Variants in SENP1 observed in about 807,000 individuals in gnomAD.
SENP1 encodes SUMO specific peptidase 1, also known as sentrin-specific protease 1.
Under a neutral mutation model 93.0 loss-of-function variants are expected in SENP1, and 21 were observed. The ratio of observed to expected loss-of-function variants is 0.23; its 90% CI spans 0.16 to 0.33. The LOEUF (loss-of-function observed/expected upper bound fraction) is 0.33, where lower values mean the gene tolerates loss of function less well. SENP1 is among the 10% of genes least tolerant of loss of function. The probability of loss-of-function intolerance (pLI) is 1.00; values close to 1 mark genes in which losing one functional copy is unlikely to be tolerated. For missense variants in SENP1, 591 were observed against 758.7 expected, an observed-to-expected ratio of 0.78 and a Z score of 2.60; for synonymous variants, 256 against 259.6, an observed-to-expected ratio of 0.99 and a Z score of 0.13.
At chr12:48,079,565 A>T (rs1408731938) in intron 6 of SENP1, among the ~76,000 whole-genome samples, 1 of 152,186 alleles carries the variant, frequency 6.6e-6, no homozygotes, top group East Asian at 1.9e-4. Flanking sequence ...TGATAAAGTT[A>T]AAGAAGCTAG....
chr12:48,075,047 AG>A (rs1173098987), intron 6 of SENP1, among the ~76,000 whole-genome samples: 1 of 150,440 alleles, frequency 6.6e-6, no homozygotes, highest in Admixed American at 6.6e-5. Flanking sequence ...ACTCTACAAA[AG>A]AAAACTTAAA....
At chr12:48,047,095 T>C in intron 15 of SENP1, 33 bp from the exon 16 acceptor site, 1 of 1,387,902 alleles carries the variant, frequency 7.2e-7, no homozygotes. Context: ...AGATAAGCAG[T>C]GGGGAACATC....
At chr12:48,064,078 C>T (rs1169950683) in intron 12 of SENP1, among the ~76,000 whole-genome samples, 2 of 152,122 alleles carry the variant, frequency 1.3e-5, no homozygotes, top group African/African-American at 4.8e-5. Flanking sequence ...CATTCAGATC[C>T]TTGTTTCCAT....
chr12:48,063,649 G>A, intron 13 of SENP1, 61 bp downstream of exon 13: 1 of 1,534,120 alleles, frequency 6.5e-7, no homozygotes, highest in Non-Finnish European at 8.9e-7. Context: ...GTGAGATAAT[G>A]CCTTAATTTA....
At chr12:48,075,616 C>T (rs1944013532) in intron 6 of SENP1, among the ~76,000 whole-genome samples, 1 of 152,190 alleles carries the variant, frequency 6.6e-6, no homozygotes, top group Non-Finnish European at 1.5e-5. Flanking sequence ...CCCAATACTA[C>T]ATTTAGTGAA....
In SENP1 at chr12:48,086,780, A is replaced by G. The variant is rs191334971; in HGVS notation, c.380+2021T>C. On this transcript the variant is annotated intron_variant, in intron 5 of 17. Transcript: ENST00000549518. Reference sequence around the variant, plus strand: ...AGGCTGGGCATGGTGGCTCATGCCTATAATCCCAGGAAGGGATCGGGAGGC... The same window carrying G: ...AGGCTGGGCATGGTGGCTCATGCCTGTAATCCCAGGAAGGGATCGGGAGGC... Among the ~76,000 whole-genome samples the G allele has an allele frequency of 1.3e-4, 20 of 152,268 alleles. No individual in the cohort carries two copies. The East Asian group carries it at 2.3e-3, about 18-fold the overall frequency.
At position 48,101,504 on chromosome 12, in the gene SENP1, A is replaced by T; in HGVS notation, c.-32T>A. ...TCTTTTCACATCACTGACTTTAGCA[A>T]AGATACAAAGTCCTATAAAAGAAGA... On this transcript the variant is annotated 5_prime_UTR_variant, in exon 2 of 18. It adds an upstream start codon to the 5' untranslated region. Transcript: ENST00000549518. 6.3e-7 allele frequency: 1 copy of T among 1,581,028 alleles called. No individual in the cohort carries two copies. Among genetic ancestry groups the T allele is most frequent in the South Asian group, 1.1e-5 (1 of 86,964 alleles).
At chr12:48,081,797 C>G (rs1299775332) in intron 6 of SENP1, among the ~76,000 whole-genome samples, 2 of 151,998 alleles carry the variant, frequency 1.3e-5, no homozygotes, top group African/African-American at 4.8e-5. Context: ...AACTCCTGGC[C>G]TCAAGCAATC....
intron 13 of SENP1, chr12:48,055,021 C>G (rs1293962458): frequency 4.5e-6 from 1 of 222,600 alleles, no homozygotes; most frequent in East Asian, 1.1e-4. Flanking sequence ...GGTGTTGTTC[C>G]TGCAAAGAAT....
chr12:48,091,311 G>A (rs537969411), intron 4 of SENP1, among the ~76,000 whole-genome samples: 10 of 152,154 alleles, frequency 6.6e-5, no homozygotes, highest in South Asian at 2.1e-4. Context: ...TTAGCCAGGC[G>A]TGGTGGCACA....
At chr12:48,100,865 T>C (rs532318702) in intron 2 of SENP1, among the ~76,000 whole-genome samples, 6 of 152,342 alleles carry the variant, frequency 3.9e-5, no homozygotes, top group Admixed American at 6.5e-5. Context: ...AATGAACCAA[T>C]ATATTTTAAA....
intron 4 of SENP1, among the ~76,000 whole-genome samples, chr12:48,091,171 TG>T (rs1236036372): frequency 6.6e-6 from 1 of 152,144 alleles, no homozygotes; most frequent in Non-Finnish European, 1.5e-5. Flanking sequence ...GTGTCAAGAC[TG>T]GGTGTGGTAG....
chr12:48,094,572 C>T (rs61918809), intron 4 of SENP1, among the ~76,000 whole-genome samples: 25,271 of 151,764 alleles, frequency 0.17, 2,417 homozygotes, highest in East Asian at 0.28. Context: ...CCTAGCTACT[C>T]GGGAGGCTGA....
intron 12 of SENP1, 103 bp from the exon 13 acceptor site, chr12:48,063,944 T>C: frequency 9.0e-7 from 1 of 1,106,620 alleles, no homozygotes; most frequent in Non-Finnish European, 1.3e-6. Flanking sequence ...TTATCACCAT[T>C]CGATTGTTTA....
Position 48,106,068 on chromosome 12 carries a change from G to C in SENP1, c.-85C>G. 2.8e-6 allele frequency: 2 copies of C among 702,550 alleles called. No individual in the cohort carries two copies. Among genetic ancestry groups the C allele is most frequent in the Non-Finnish European group, 2.6e-6 (1 of 384,788 alleles). The allele number at this position is 702,550 out of a possible 1,614,324, so 43.5% of individuals were successfully genotyped here. On this transcript the variant is annotated 5_prime_UTR_variant, in exon 1 of 18. Transcript: ENST00000549518. ...TGCCATGCGAAGGGGTTTCCGGCCG[G>C]GCGCGGAACGCAAAACCCGGGAACC...
At chr12:48,081,222 C>G (rs1184778213) in intron 6 of SENP1, 2 of 152,120 alleles carry the variant, frequency 1.3e-5, no homozygotes, top group African/African-American at 4.8e-5. Context: ...CCAGCATAAT[C>G]ATAAACCCCA....
intron 6 of SENP1, 90 bp from the exon 7 acceptor site, chr12:48,074,883 G>A (rs1943956521): frequency 1.2e-6 from 1 of 833,320 alleles, no homozygotes; most frequent in Non-Finnish European, 1.9e-6. Flanking sequence ...TCCTAGCTCT[G>A]CCAAAGCTCA....
chr12:48,073,466 T>A (rs1282254219), intron 8 of SENP1, among the ~76,000 whole-genome samples: 1 of 151,950 alleles, frequency 6.6e-6, no homozygotes, highest in Middle Eastern at 3.4e-3. Flanking sequence ...GAAAGACTAG[T>A]GCTCCATCTA....
At chr12:48,045,426 TC>T in intron 17 of SENP1, 42 bp from the exon 18 acceptor site, 2 of 1,549,332 alleles carry the variant, frequency 1.3e-6, no homozygotes, top group Non-Finnish European at 1.8e-6. Context: ...AATGCTTTTG[TC>T]TAGACCTGAT....
Sources: gnomAD v4.1 joint callset for allele counts (sites outside exome capture counted in the v4.1 genomes callset) on GRCh38, gnomAD v4.1.1 for gene constraint, MANE v1.5 for transcripts, NCBI Gene and HGNC (gene_info 2026-07-23, HGNC 2026-07-21) for gene names.